NELL2: variants seen among roughly 807,000 people sequenced by gnomAD.
The protein encoded by NELL2 is protein kinase C-binding protein NELL2.
NELL2 carries 41 observed loss-of-function variants against 109.6 expected under a neutral mutation model. The ratio of observed to expected loss-of-function variants is 0.37; its 90% CI spans 0.29 to 0.49. The LOEUF (loss-of-function observed/expected upper bound fraction) is 0.49, where lower values mean the gene tolerates loss of function less well. Ranked by LOEUF, NELL2 falls within the 20% of genes least tolerant of loss-of-function variation. NELL2 has a pLI of 0.98. For missense variants in NELL2, 900 were observed against 1,008.3 expected (o/e 0.89, Z 1.45); for synonymous variants, 355 against 344.7 (o/e 1.03, Z -0.33).
chr12:44,905,920 T>C (rs1012232645), intron 1 of NELL2, among the ~76,000 whole-genome samples: 2 of 152,048 alleles, frequency 1.3e-5, no homozygotes, highest in Admixed American at 6.6e-5. Context: ...TCTGAGAGTC[T>C]AGGGGAAAAA....
intron 1 of NELL2, among the ~76,000 whole-genome samples, chr12:44,900,260 A>T (rs888457855): frequency 1.3e-5 from 2 of 152,176 alleles, no homozygotes; most frequent in Admixed American, 6.5e-5. Context: ...GACCAAGCAG[A>T]CCTAATGGAC....
chr12:44,754,642 T>C (rs1014479339), intron 9 of NELL2, among the ~76,000 whole-genome samples: 11 of 152,260 alleles, frequency 7.2e-5, no homozygotes, highest in South Asian at 2.1e-4. Flanking sequence ...TAGAGGTATA[T>C]TGGAAAAAAG....
intron 9 of NELL2, among the ~76,000 whole-genome samples, chr12:44,742,474 T>G (rs529660831): frequency 6.6e-6 from 1 of 151,802 alleles, no homozygotes; most frequent in Admixed American, 6.6e-5. Flanking sequence ...CTTTGACGAG[T>G]TGAGAGAAGA....
chr12:44,657,112 T>G (rs1192282895), intron 13 of NELL2, among the ~76,000 whole-genome samples: 1 of 152,200 alleles, frequency 6.6e-6, no homozygotes, highest in Non-Finnish European at 1.5e-5. Flanking sequence ...TTCTGTAACC[T>G]TTTGCACCCA....
chr12:44,722,192 T>G, intron 9 of NELL2, among the ~76,000 whole-genome samples: 1 of 152,120 alleles, frequency 6.6e-6, no homozygotes, highest in Middle Eastern at 3.2e-3. Flanking sequence ...TTTTTTTTTT[T>G]TGCAACAGGG....
chr12:44,687,184 A>G (rs1948749470), intron 12 of NELL2, among the ~76,000 whole-genome samples: 1 of 152,078 alleles, frequency 6.6e-6, no homozygotes, highest in East Asian at 1.9e-4. Context: ...GCTGTCTGTC[A>G]CCACTTTCTT....
At chr12:44,790,720 G>A (rs1341657402) in intron 3 of NELL2, among the ~76,000 whole-genome samples, 1 of 151,710 alleles carries the variant, frequency 6.6e-6, no homozygotes, top group African/African-American at 2.4e-5. Context: ...ATACAGAACC[G>A]TAGAATGGAT....
chr12:44,812,804 T>A (rs1196716851), intron 3 of NELL2, among the ~76,000 whole-genome samples: 4 of 152,044 alleles, frequency 2.6e-5, no homozygotes, highest in Non-Finnish European at 5.9e-5. Context: ...AGTAACTAGC[T>A]AAATGATGCT....
chr12:44,743,537 G>A (rs1706298389), intron 9 of NELL2, among the ~76,000 whole-genome samples: 1 of 152,170 alleles, frequency 6.6e-6, no homozygotes, highest in Non-Finnish European at 1.5e-5. Context: ...CCATCAGTGT[G>A]CTGTATTCAG....
At chr12:44,668,571 T>A (rs1948023990) in intron 12 of NELL2, among the ~76,000 whole-genome samples, 1 of 151,096 alleles carries the variant, frequency 6.6e-6, no homozygotes, top group Admixed American at 6.6e-5. Context: ...GGTGCCCACG[T>A]GCACTATCAC....
chr12:44,514,009 TAGAG>T (rs751158147), intron 19 of NELL2, among the ~76,000 whole-genome samples: 2 of 143,288 alleles, frequency 1.4e-5, no homozygotes, highest in African/African-American at 2.5e-5. Flanking sequence ...AAAACAAAGA[TAGAG>T]AATCATGAAA....
rs148324484 is a variant in NELL2 at position 44,619,303 on chromosome 12, C to T, written c.1445-8333G>A. Among the ~76,000 whole-genome samples the T allele has an allele frequency of 2.5e-3, 385 of 152,164 alleles. 3 individuals carry two copies. Among genetic ancestry groups the T allele is most frequent in the African/African-American group, 7.3e-3 (302 of 41,500 alleles). ...AGAACAGTAAGAAATAATTACTGGA[C>T]GCTAAACAGTAGCGTCCAGACTACA... On this transcript the variant is annotated intron_variant, in intron 13 of 19. Transcript: ENST00000429094.
chr12:44,603,884 C>A (rs1945305395), intron 15 of NELL2, among the ~76,000 whole-genome samples: 1 of 152,148 alleles, frequency 6.6e-6, no homozygotes, highest in African/African-American at 2.4e-5. Flanking sequence ...CCTATTATTT[C>A]ATCCTCAGTG....
intron 12 of NELL2, among the ~76,000 whole-genome samples, chr12:44,693,533 G>T (rs185360562): frequency 1.3e-5 from 2 of 152,042 alleles, no homozygotes; most frequent in South Asian, 2.1e-4. Context: ...AATTTAGAAC[G>T]GTTTCATCTT....
chr12:44,646,040 T>C lies in NELL2; in HGVS notation c.1444+19444A>G, dbSNP rs1332416747. 3.3e-5 allele frequency among the ~76,000 whole-genome samples: 5 copies of C among 152,062 alleles called. No individual in the cohort carries two copies. In the South Asian group the frequency reaches 8.3e-4, roughly 25 times the overall value. On this transcript the variant is annotated intron_variant, in intron 13 of 19. Transcript: ENST00000429094. ...ATAAAAACATTTCTACCTCCCTTCA[T>C]AGATTATAAAGTCTGCAAGGGTATG...
At chr12:44,597,971 C>CA (rs1448400775) in intron 15 of NELL2, among the ~76,000 whole-genome samples, 1 of 152,132 alleles carries the variant, frequency 6.6e-6, no homozygotes, top group African/African-American at 2.4e-5. Context: ...ATTGTTCCTA[C>CA]AATTTGAATA....
At chr12:44,526,101 T>C (rs912000825) in intron 16 of NELL2, among the ~76,000 whole-genome samples, 1 of 152,088 alleles carries the variant, frequency 6.6e-6, no homozygotes, top group African/African-American at 2.4e-5. Flanking sequence ...TTAAGAAATT[T>C]GAACTTTTTC....
At chr12:44,875,740 G>C in intron 1 of NELL2, 75 bp downstream of exon 1, 1 of 1,610,148 alleles carries the variant, frequency 6.2e-7, no homozygotes, top group Non-Finnish European at 8.5e-7. Context: ...GAAAAGCGAG[G>C]CTTCCCCAGC....
chr12:44,803,267 T>C (rs1022628850), intron 3 of NELL2, among the ~76,000 whole-genome samples: 5 of 151,974 alleles, frequency 3.3e-5, no homozygotes, highest in African/African-American at 1.2e-4. Context: ...AAATGCAACA[T>C]GTGTTCTTGG....
Sources: allele counts gnomAD v4.1 joint callset (sites outside exome capture counted in the v4.1 genomes callset), GRCh38; gene constraint gnomAD v4.1.1; transcripts MANE v1.5; gene names NCBI Gene and HGNC (gene_info 2026-07-23, HGNC 2026-07-21).